MGAT4A: variants seen among roughly 807,000 people sequenced by gnomAD.
The protein encoded by MGAT4A is alpha-1,3-mannosyl-glycoprotein 4-beta-N-acetylglucosaminyltransferase A.
In MGAT4A, 33 loss-of-function variants were observed where a neutral mutation model predicts 74.1. The ratio of observed to expected loss-of-function variants is 0.45; its 90% CI spans 0.34 to 0.60. The LOEUF (loss-of-function observed/expected upper bound fraction) is 0.60. Among genes scored for constraint, MGAT4A ranks in the 20% least tolerant of loss-of-function variants. The pLI, the probability that MGAT4A is intolerant of heterozygous loss-of-function variation, is 0.02. For missense variants in MGAT4A, 479 were observed against 628.3 expected, an observed-to-expected ratio of 0.76 and a Z score of 2.54; for synonymous variants, 198 against 210.4, an observed-to-expected ratio of 0.94 and a Z score of 0.51.
chr2:98,680,130 G>A (rs181806677), intron 2 of MGAT4A, among the ~76,000 whole-genome samples: 3 of 141,290 alleles, frequency 2.1e-5, no homozygotes, highest in East Asian at 2.1e-4. Context: ...TGCAACCTCC[G>A]CCCCCTGGAT....
At chr2:98,648,522 G>A (rs1273787030) in intron 8 of MGAT4A, among the ~76,000 whole-genome samples, 1 of 151,370 alleles carries the variant, frequency 6.6e-6, no homozygotes, top group Non-Finnish European at 1.5e-5. Flanking sequence ...AAACAGCCTG[G>A]GCAACAAAGT....
chr2:98,684,749 CTT>C (rs777584147), intron 2 of MGAT4A, among the ~76,000 whole-genome samples: 1 of 152,082 alleles, frequency 6.6e-6, no homozygotes, highest in African/African-American at 2.4e-5. Flanking sequence ...GACCAGAGAA[CTT>C]TATTTTTTAA....
At chr2:98,659,862 A>G (rs1024532399) in intron 5 of MGAT4A, among the ~76,000 whole-genome samples, 9 of 152,146 alleles carry the variant, frequency 5.9e-5, no homozygotes, top group Admixed American at 2.0e-4. Context: ...TCAATTTTAA[A>G]TACAGCGATA....
At chr2:98,652,532 C>T (rs1031207265) in intron 8 of MGAT4A, among the ~76,000 whole-genome samples, 3 of 152,072 alleles carry the variant, frequency 2.0e-5, no homozygotes, top group African/African-American at 4.8e-5. Flanking sequence ...GGAGTTTCAC[C>T]GTGTTAGCCA....
intron 2 of MGAT4A, among the ~76,000 whole-genome samples, chr2:98,709,763 G>C (rs1469786897): frequency 2.6e-5 from 4 of 152,172 alleles, no homozygotes; most frequent in African/African-American, 9.7e-5. Flanking sequence ...AAGCTTGCCA[G>C]GACAAACAAA....
At chr2:98,649,832 T>C (rs984530250) in intron 8 of MGAT4A, among the ~76,000 whole-genome samples, 6 of 152,118 alleles carry the variant, frequency 3.9e-5, no homozygotes, top group African/African-American at 1.4e-4. Flanking sequence ...GAGAGGTGGC[T>C]GATTTTTCAA....
intron 2 of MGAT4A, among the ~76,000 whole-genome samples, chr2:98,721,038 G>A (rs1335883915): frequency 6.6e-6 from 1 of 152,160 alleles, no homozygotes; most frequent in Non-Finnish European, 1.5e-5. Flanking sequence ...CTTGAAAGCT[G>A]CAAGAGAAAA....
intron 14 of MGAT4A, among the ~76,000 whole-genome samples, chr2:98,631,020 G>A (rs1035097934): frequency 3.3e-5 from 5 of 152,156 alleles, no homozygotes; most frequent in Non-Finnish European, 5.9e-5. Flanking sequence ...GGCTACAGCC[G>A]TGGCTCCCCT....
intron 2 of MGAT4A, among the ~76,000 whole-genome samples, chr2:98,690,401 C>T (rs1218093686): frequency 6.6e-6 from 1 of 152,144 alleles, no homozygotes; most frequent in African/African-American, 2.4e-5. Context: ...AACTGACCTC[C>T]CAACCCTGCA....
intron 3 of MGAT4A, among the ~76,000 whole-genome samples, chr2:98,677,147 AAG>A (rs900302366): frequency 3.0e-4 from 46 of 152,342 alleles, no homozygotes; most frequent in African/African-American, 1.1e-3. Flanking sequence ...AGAGCACAGA[AAG>A]AGAGATCACT....
At chr2:98,651,833 C>T (rs919864238) in intron 8 of MGAT4A, among the ~76,000 whole-genome samples, 4 of 151,958 alleles carry the variant, frequency 2.6e-5, no homozygotes, top group African/African-American at 9.7e-5. Context: ...TACTTTACAT[C>T]AAAAGACACA....
At chr2:98,695,996 C>G (rs1401452635) in intron 2 of MGAT4A, among the ~76,000 whole-genome samples, 1 of 151,900 alleles carries the variant, frequency 6.6e-6, no homozygotes, top group South Asian at 2.1e-4. Context: ...CTCCTCCCAC[C>G]TCAGCCTCCC....
intron 13 of MGAT4A, among the ~76,000 whole-genome samples, chr2:98,636,223 C>G (rs1421579376): frequency 6.6e-6 from 1 of 151,704 alleles, no homozygotes; most frequent in Non-Finnish European, 1.5e-5. Flanking sequence ...GAACTCCTGA[C>G]CTCAAATGAT....
At chr2:98,675,271 A>C (rs1362029205) in intron 3 of MGAT4A, 96 bp from the exon 4 acceptor site, 2 of 884,764 alleles carry the variant, frequency 2.3e-6, no homozygotes, top group African/African-American at 3.4e-5. Flanking sequence ...AACTAGAACT[A>C]AAGAATTTTC....
At chr2:98,717,372 C>T (rs1702606589) in intron 2 of MGAT4A, among the ~76,000 whole-genome samples, 2 of 149,290 alleles carry the variant, frequency 1.3e-5, no homozygotes, top group Admixed American at 1.3e-4. Flanking sequence ...TAGCGAGACT[C>T]CATCTCAAAA....
At chr2:98,707,454 G>A (rs1455979878) in intron 2 of MGAT4A, among the ~76,000 whole-genome samples, 3 of 152,068 alleles carry the variant, frequency 2.0e-5, no homozygotes, top group African/African-American at 7.2e-5. Context: ...ATGAATATCT[G>A]TCCCCAAATG....
At chr2:98,654,168 A>C (rs1039999774) in intron 8 of MGAT4A, among the ~76,000 whole-genome samples, 1 of 152,162 alleles carries the variant, frequency 6.6e-6, no homozygotes, top group Non-Finnish European at 1.5e-5. Flanking sequence ...TATTCAACAA[A>C]ATAAAGGTAA....
Position 98,624,976 on chromosome 2 carries a change from A to C in MGAT4A, c.*590T>G. On this transcript the variant is annotated 3_prime_UTR_variant, in exon 16 of 16. Transcript: ENST00000393487. The stretch of plus-strand genomic sequence containing the variant: ...TCTTAAATGGCAGTGCATTTGAAAA[A>C]TGGCATTGGTTTGTAATGTTTGCAT... 1 of 985,512 alleles carries C rather than the reference A, an allele frequency of 1.0e-6. No individual in the cohort carries two copies. Among genetic ancestry groups the C allele is most frequent in the Non-Finnish European group, 1.2e-6 (1 of 829,614 alleles). The allele number at this position is 985,512 out of a possible 1,614,324, so 61.0% of individuals were successfully genotyped here.
Position 98,622,711 on chromosome 2 carries a change from C to A in MGAT4A, c.*2855G>T. On this transcript the variant is annotated 3_prime_UTR_variant, in exon 16 of 16. Coordinates refer to ENST00000393487, the MANE Select transcript of MGAT4A (RefSeq NM_012214.3). ...CCTGAGCACCCACCATAGGAGAGGACAGATGAGCAGTATGAGCTGCAGGCT... is the reference window on the plus strand; with the variant it reads ...CCTGAGCACCCACCATAGGAGAGGAAAGATGAGCAGTATGAGCTGCAGGCT... 1 of 985,718 alleles carries A rather than the reference C, an allele frequency of 1.0e-6. No individual in the cohort carries two copies. The highest frequency in any genetic ancestry group is 1.2e-6 in the Non-Finnish European group (1 of 830,194). 61.1% of individuals were successfully genotyped at this position (985,718 alleles called of 1,614,324 possible).
Sources: gnomAD v4.1 joint callset for allele counts (sites outside exome capture counted in the v4.1 genomes callset) on GRCh38, gnomAD v4.1.1 for gene constraint, MANE v1.5 for transcripts, NCBI Gene and HGNC (gene_info 2026-07-23, HGNC 2026-07-21) for gene names.